Variants in LRIG1 observed in about 807,000 individuals in gnomAD.
The protein encoded by LRIG1 is leucine rich repeats and immunoglobulin like domains 1, also known as leucine-rich repeats and immunoglobulin-like domains protein 1.
In LRIG1, 48 loss-of-function variants were observed where a neutral mutation model predicts 99.2. The observed-to-expected ratio is 0.48, with a 90% CI of 0.38 to 0.62. LRIG1 has a LOEUF of 0.62. Among genes scored for constraint, LRIG1 ranks in the 20% least tolerant of loss-of-function variants. LRIG1 has a pLI of 0.00. For missense variants in LRIG1, 1,646 were observed against 1,434.4 expected (o/e 1.15, Z -2.38); for synonymous variants, 772 against 596.1 (o/e 1.29, Z -4.30).
At chr3:66,475,836 A>C (rs1700710525) in intron 1 of LRIG1, among the ~76,000 whole-genome samples, 1 of 152,236 alleles carries the variant, frequency 6.6e-6, no homozygotes, top group African/African-American at 2.4e-5. Flanking sequence ...CCTGCCCGTC[A>C]CACTACTAGT....
At chr3:66,402,947 A>C (rs1379607474) in intron 9 of LRIG1, among the ~76,000 whole-genome samples, 1 of 152,150 alleles carries the variant, frequency 6.6e-6, no homozygotes, top group Non-Finnish European at 1.5e-5. Flanking sequence ...TTCATTCAAC[A>C]AACATCGACT....
At chr3:66,431,800 G>C (rs1171751415) in intron 3 of LRIG1, among the ~76,000 whole-genome samples, 2 of 152,126 alleles carry the variant, frequency 1.3e-5, no homozygotes, top group African/African-American at 4.8e-5. Flanking sequence ...TCTCAGCCTT[G>C]GGCAAAGCGG....
At chr3:66,483,432 T>TA (rs1700896508) in intron 1 of LRIG1, among the ~76,000 whole-genome samples, 1 of 152,232 alleles carries the variant, frequency 6.6e-6, no homozygotes, top group African/African-American at 2.4e-5. Context: ...TTTACATAGT[T>TA]ACTTGGGCTG....
At chr3:66,408,234 G>A (rs559066801) in intron 7 of LRIG1, among the ~76,000 whole-genome samples, 2 of 152,214 alleles carry the variant, frequency 1.3e-5, no homozygotes, top group African/African-American at 2.4e-5. Flanking sequence ...TAAACTCAGA[G>A]AAGATTAATG....
chr3:66,446,049 A>G (rs1703706296), intron 3 of LRIG1, among the ~76,000 whole-genome samples: 1 of 152,196 alleles, frequency 6.6e-6, no homozygotes, highest in Admixed American at 6.5e-5. Context: ...CTCACTCTTT[A>G]ATTACACTTT....
In LRIG1 at chr3:66,398,202, T is replaced by C. The variant is rs776434015; in HGVS notation, c.1233-19A>G. ...AAGGTTCCTGAAACAGAACATACAT[T>C]ACTTATGCAAAGAAACCCTAGGTAC... On this transcript the variant is annotated intron_variant, in intron 10 of 18. Coordinates refer to ENST00000273261, the MANE Select transcript of LRIG1 (RefSeq NM_015541.3). The C allele has an allele frequency of 3.1e-6, 5 of 1,605,730 alleles. No individual in the cohort carries two copies. Among genetic ancestry groups the C allele is most frequent in the South Asian group, 2.2e-5 (2 of 90,830 alleles).
chr3:66,412,104 A>G (rs3932361), intron 6 of LRIG1, among the ~76,000 whole-genome samples: 73,247 of 152,208 alleles, frequency 0.48, 19,964 homozygotes, highest in Middle Eastern at 0.63. Context: ...GTTTCACGTT[A>G]CCGTGCAGGC....
intron 3 of LRIG1, among the ~76,000 whole-genome samples, chr3:66,426,322 C>T (rs191289391): frequency 6.6e-6 from 1 of 152,302 alleles, no homozygotes; most frequent in African/African-American, 2.4e-5. Flanking sequence ...TCCAATAAAA[C>T]TTTATTTACA....
chr3:66,396,973 G>A (rs1172168154), intron 11 of LRIG1, among the ~76,000 whole-genome samples: 4 of 152,212 alleles, frequency 2.6e-5, no homozygotes, highest in East Asian at 1.9e-4. Flanking sequence ...TGTATGTTCC[G>A]TCTCACCCGA....
Position 66,380,559 on chromosome 3 carries a change from A to T in LRIG1, c.3055+18T>A. ...AAGCAGCTCCCAACCCACCTGTTAG[A>T]AGACAGTCAAAAGTTACCTTTCCCA... On this transcript the variant is annotated intron_variant, in intron 18 of 18. Transcript: ENST00000273261. The T allele has an allele frequency of 6.2e-7, 1 of 1,613,392 alleles. No homozygotes were observed. The highest frequency in any genetic ancestry group is 1.3e-5 in the African/African-American group (1 of 75,014).
rs1701056681 is a variant in LRIG1, at chr3:66,381,426, GC to G, written c.2770+52del. On this transcript the variant is annotated intron_variant, in intron 17 of 18. Transcript: ENST00000273261. ...CCCCTTTGATGTAGTGACTAGGTCA[GC>G]CCAAATTTCCATTTCAGAAAGAAAC... is the stretch of plus-strand genomic sequence containing the variant. 1.9e-6 allele frequency: 3 copies of G among 1,576,700 alleles called. No individual in the cohort carries two copies. The African/African-American group carries it at 4.0e-5, about 21-fold the overall frequency.
In LRIG1 at chr3:66,417,276, A is replaced by C. The variant is rs756289487; in HGVS notation, c.366-10T>G. ...AATCTTGTTGTGCTGCCTGAAACAC[A>C]ACAAGGGAGGTGACTTGAGCATCTC... On this transcript the variant is annotated splice_polypyrimidine_tract_variant and intron_variant, in intron 3 of 18. Coordinates refer to ENST00000273261, the MANE Select transcript of LRIG1 (RefSeq NM_015541.3). 6.2e-7 allele frequency: 1 copy of C among 1,610,144 alleles called. No individual in the cohort carries two copies. Among genetic ancestry groups the C allele is most frequent in the South Asian group, 1.1e-5 (1 of 90,932 alleles).
chr3:66,435,409 C>CA (rs1486969729), intron 3 of LRIG1, among the ~76,000 whole-genome samples: 3 of 152,014 alleles, frequency 2.0e-5, no homozygotes, highest in Middle Eastern at 3.4e-3. Flanking sequence ...AAACAAAAAA[C>CA]AAAAAACAAA....
At chr3:66,443,596 G>A (rs1010595850) in intron 3 of LRIG1, among the ~76,000 whole-genome samples, 1 of 152,224 alleles carries the variant, frequency 6.6e-6, no homozygotes, top group Non-Finnish European at 1.5e-5. Context: ...TGACCCATCA[G>A]TGACGGGCAG....
In LRIG1 at chr3:66,454,745, C is replaced by T. The variant is rs118062517; in HGVS notation, c.291-3112G>A. On this transcript the variant is annotated intron_variant, in intron 2 of 18. Coordinates refer to ENST00000273261, the MANE Select transcript of LRIG1 (RefSeq NM_015541.3). The stretch of plus-strand genomic sequence containing the variant: ...GCAGAACCTAGGGGTGGGTCCTTTC[C>T]CAATTCAATCCGTAAGGTCAGCTTG... Among the ~76,000 whole-genome samples the T allele has an allele frequency of 9.1e-4, 138 of 152,296 alleles. 1 individual carries two copies. In the East Asian group the frequency reaches 0.02, roughly 22 times the overall value.
In LRIG1 at chr3:66,380,368, A is replaced by G. The variant is rs561799228; in HGVS notation, c.3177T>C (p.Asn1059=). 1.2e-6 allele frequency: 2 copies of G among 1,614,168 alleles called. No homozygotes were observed. The highest frequency in any genetic ancestry group is 1.7e-6 in the Non-Finnish European group (2 of 1,180,006). ...CGTCACATGCTTTGGGGAGGTGGCC[A>G]TTGGAAACAAGCAAGTACTGGGCTT... ...RAEAQYLLVS[N]GHLPKACDAS... Residue 1059 remains asparagine, a synonymous_variant, in exon 19 of 19, where the codon AAT becomes AAC. Transcript: ENST00000273261.
rs1559831451 is a variant in LRIG1, at chr3:66,500,259, T to C, written c.149A>G (p.Asp50Gly). 2.7e-6 allele frequency: 4 copies of C among 1,502,578 alleles called. No homozygotes were observed. Among genetic ancestry groups the C allele is most frequent in the East Asian group, 2.7e-5 (1 of 36,484 alleles). The allele number at this position is 1,502,578 out of a possible 1,614,324, so 93.1% of individuals were successfully genotyped here. The change falls in exon 1 of 19, where the codon GAC becomes GGC. Residue 50 changes from aspartate (D) to glycine (G), a missense_variant. Coordinates refer to ENST00000273261, the MANE Select transcript of LRIG1 (RefSeq NM_015541.3). ...CCCGCGCCCACCGCAGTCCAGCGAG[T>C]CCCCAGCGCAAGTGCAGGCGGCCGC... is the stretch of plus-strand genomic sequence containing the variant. Reference protein sequence around the residue: ...PCAAACTCAGDSLDCGGRGLA... With the variant: ...PCAAACTCAGGSLDCGGRGLA...
rs778239770 is a variant in LRIG1, at chr3:66,417,204, A to G, written c.428T>C (p.Val143Ala). Residue 143 changes from valine to alanine, a missense_variant, in exon 4 of 19, where the codon GTG (valine) becomes GCG (alanine). Physicochemically the swap from Val to Ala is moderately conservative, Grantham distance 64 (BLOSUM62 0). Coordinates refer to ENST00000273261, the MANE Select transcript of LRIG1 (RefSeq NM_015541.3). ...GATGTTGTTCAAACTCAGATCTAAC[A>G]CTTCTAAGGAAAGGTAGGCCTTCAG... is the stretch of plus-strand genomic sequence containing the variant. ...SQLKAYLSLEVLDLSLNNITE... is the reference protein window; with the variant it reads ...SQLKAYLSLEALDLSLNNITE... 5.3e-5 allele frequency: 86 copies of G among 1,613,976 alleles called. No homozygotes were observed. Among genetic ancestry groups the G allele is most frequent in the Non-Finnish European group, 6.9e-5 (81 of 1,180,026 alleles).
At chr3:66,386,760 A>AC (rs139994692) in intron 12 of LRIG1, 7,238 of 154,670 alleles carry the variant, frequency 0.047, 576 homozygotes, top group African/African-American at 0.16. Context: ...AAACAAGGAA[A>AC]ACACCTGGAA....
Sources: gnomAD v4.1 joint callset for allele counts (sites outside exome capture counted in the v4.1 genomes callset) on GRCh38, gnomAD v4.1.1 for gene constraint, MANE v1.5 for transcripts, NCBI Gene and HGNC (gene_info 2026-07-23, HGNC 2026-07-21) for gene names.